The following ANKS6 variants were observed in gnomAD, a reference collection of about 807,000 sequenced individuals.
The protein encoded by ANKS6 is ankyrin repeat and sterile alpha motif domain containing 6.
In ANKS6, 47 loss-of-function variants were observed where a neutral mutation model predicts 77.9. The observed-to-expected ratio is 0.60, with a 90% CI of 0.48 to 0.77. ANKS6 has a LOEUF of 0.77. Among genes scored for constraint, ANKS6 ranks in the 30% least tolerant of loss-of-function variants. ANKS6 has a pLI of 0.00. For missense variants in ANKS6, 1,150 were observed against 1,159.1 expected (o/e 0.99, Z 0.11); for synonymous variants, 488 against 501.7 (o/e 0.97, Z 0.37).
intron 11 of ANKS6, among the ~76,000 whole-genome samples, chr9:98,765,848 C>T (rs1412910127): frequency 1.3e-5 from 2 of 152,128 alleles, no homozygotes; most frequent in Non-Finnish European, 2.9e-5. Flanking sequence ...AGTACAAAAA[C>T]CAGATTGAGG....
chr9:98,771,041 G>A lies in ANKS6; in HGVS notation c.1827C>T (p.Pro609=), dbSNP rs377000748. The part of the protein sequence containing the change: ...PVGGGGTDTT[P]VRPVKFPSLP... The stretch of plus-strand genomic sequence containing the variant: ...GGCTTGGAAATTTAACAGGCCTGAC[G>A]GGTGTCTACAAGAATAAGGCAGGTG... The change falls in exon 10 of 15, where the codon CCC becomes CCT. Residue 609 remains proline (P), a synonymous_variant. Coordinates refer to ENST00000353234, the MANE Select transcript of ANKS6 (RefSeq NM_173551.5). 8.6e-5 allele frequency: 134 copies of A among 1,566,660 alleles called. No homozygotes were observed. The highest frequency in any genetic ancestry group is 3.4e-4 in the Middle Eastern group (2 of 5,906).
chr9:98,775,169 C>T (rs1248041913), intron 8 of ANKS6, among the ~76,000 whole-genome samples: 1 of 152,250 alleles, frequency 6.6e-6, no homozygotes, highest in African/African-American at 2.4e-5. Flanking sequence ...TCCACCACCA[C>T]AAAAGGGTAT....
chr9:98,773,079 T>G (rs1664788870), intron 9 of ANKS6, among the ~76,000 whole-genome samples: 1 of 152,218 alleles, frequency 6.6e-6, no homozygotes, highest in African/African-American at 2.4e-5. Flanking sequence ...GGATGGGTTC[T>G]ACAACTCCCC....
At chr9:98,793,416 C>T (rs1835010763) in intron 1 of ANKS6, among the ~76,000 whole-genome samples, 1 of 152,218 alleles carries the variant, frequency 6.6e-6, no homozygotes, top group Non-Finnish European at 1.5e-5. Flanking sequence ...GACAATAGTA[C>T]CTCCTTCCTA....
At position 98,796,250 on chromosome 9, in the gene ANKS6, GC is replaced by G; in HGVS notation, c.241del (p.Ala81HisfsTer44). ...VDCSDEAGNT[A>X]LQFAAAGGHE... ...GCCCCCGGCCGCGGCGAACTGCAGTGCGGTGTTGCCCGCCTCGTCCGAGCAA... is the reference window on the plus strand; with the variant it reads ...GCCCCCGGCCGCGGCGAACTGCAGTGGGTGTTGCCCGCCTCGTCCGAGCAA... On this transcript the variant is annotated frameshift_variant, in exon 1 of 15. Coordinates refer to ENST00000353234, the MANE Select transcript of ANKS6 (RefSeq NM_173551.5). LOFTEE classifies it high-confidence loss of function. 1 of 1,397,604 alleles carries G rather than the reference GC, an allele frequency of 7.2e-7. No individual in the cohort carries two copies. Among genetic ancestry groups the G allele is most frequent in the Non-Finnish European group, 9.3e-7 (1 of 1,072,810 alleles). The allele number at this position is 1,397,604 out of a possible 1,614,324, so 86.6% of individuals were successfully genotyped here.
At chr9:98,786,385 G>A (rs1214421053) in intron 2 of ANKS6, among the ~76,000 whole-genome samples, 1 of 150,344 alleles carries the variant, frequency 6.7e-6, no homozygotes, top group African/African-American at 2.4e-5. Flanking sequence ...TCTGCCTCCC[G>A]GGTTCAAGCG....
At position 98,735,486 on chromosome 9, in the gene ANKS6, A is replaced by C; in HGVS notation, c.*1033T>G. 1 of 1,226,216 alleles carries C rather than the reference A, an allele frequency of 8.2e-7. No individual in the cohort carries two copies. Among genetic ancestry groups the C allele is most frequent in the East Asian group, 3.2e-5 (1 of 31,288 alleles). The allele number at this position is 1,226,216 out of a possible 1,614,324, so 76.0% of individuals were successfully genotyped here. A position where few individuals can be genotyped will look rare whatever the true frequency, so the allele number is the denominator to read the frequency against. On this transcript the variant is annotated 3_prime_UTR_variant, in exon 15 of 15. Coordinates refer to ENST00000353234, the MANE Select transcript of ANKS6 (RefSeq NM_173551.5). ...GATATGGTAGGAAACTACACAAGCC[A>C]ATTCCCTTTTGAGGAACACAGCATT...
At position 98,734,469 on chromosome 9, in the gene ANKS6, G is replaced by A. The variant is rs941162009; in HGVS notation, c.*2050C>T. On this transcript the variant is annotated 3_prime_UTR_variant, in exon 15 of 15. Coordinates refer to ENST00000353234, the MANE Select transcript of ANKS6 (RefSeq NM_173551.5). Reference sequence around the variant, plus strand: ...AACCTCAAAGCACATAACGTCAGGGGCCATGAATTTCAGAGGCAAACAATT... The same window carrying A: ...AACCTCAAAGCACATAACGTCAGGGACCATGAATTTCAGAGGCAAACAATT... 2.0e-6 allele frequency: 2 copies of A among 985,306 alleles called. No homozygotes were observed. Among genetic ancestry groups the A allele is most frequent in the African/African-American group, 3.5e-5 (2 of 57,218 alleles). 61.0% of individuals were successfully genotyped at this position (985,306 alleles called of 1,614,324 possible).
Position 98,796,286 on chromosome 9 carries a change from AC to A in ANKS6, c.205del (p.Val69CysfsTer56). 1 of 1,298,980 alleles carries A rather than the reference AC, an allele frequency of 7.7e-7. No individual in the cohort carries two copies. The highest frequency in any genetic ancestry group is 2.4e-5 in the South Asian group (1 of 41,970). The allele number at this position is 1,298,980 out of a possible 1,614,324, so 80.5% of individuals were successfully genotyped here. A position where few individuals can be genotyped will look rare whatever the true frequency, so the allele number is the denominator to read the frequency against. ...AAAAGAVGAPVPVDCSDEAGN... is the reference protein window; with the variant it reads ...AAAAGAVGAPXPVDCSDEAGN... Reference sequence around the variant, plus strand: ...CGCCTCGTCCGAGCAATCCACGGGCACCGGAGCCCCGACTGCCCCCGCCGCT... The same window carrying A: ...CGCCTCGTCCGAGCAATCCACGGGCACGGAGCCCCGACTGCCCCCGCCGCT... On this transcript the variant is annotated frameshift_variant, in exon 1 of 15. Coordinates refer to ENST00000353234, the MANE Select transcript of ANKS6 (RefSeq NM_173551.5). LOFTEE classifies it high-confidence loss of function.
At chr9:98,778,850 A>C (rs1165113313) in intron 6 of ANKS6, among the ~76,000 whole-genome samples, 1 of 152,216 alleles carries the variant, frequency 6.6e-6, no homozygotes, top group African/African-American at 2.4e-5. Flanking sequence ...TCTGGTGATA[A>C]CGTGAGAGGC....
intron 14 of ANKS6, among the ~76,000 whole-genome samples, chr9:98,742,998 C>T (rs1264169120): frequency 6.6e-6 from 1 of 152,220 alleles, no homozygotes; most frequent in Non-Finnish European, 1.5e-5. Flanking sequence ...TGCACACTAG[C>T]CCAGTCTGTC....
chr9:98,741,135 A>C (rs920655603), intron 14 of ANKS6, among the ~76,000 whole-genome samples: 1 of 152,244 alleles, frequency 6.6e-6, no homozygotes. Flanking sequence ...CAAAGTTTGA[A>C]AATCTACATA....
At position 98,745,029 on chromosome 9, in the gene ANKS6, G is replaced by A. The variant is rs558631872; in HGVS notation, c.2511+530C>T. Among the ~76,000 whole-genome samples, 6 of 152,198 alleles carry A rather than the reference G, an allele frequency of 3.9e-5. 1 individual carries two copies. The South Asian group carries it at 8.3e-4, about 21-fold the overall frequency. ...TGTGTGTGTGCCTTTGGGTGGGCGCGGGGTGAGGGCACTGATATTTTTAGC... is the reference window on the plus strand; with the variant it reads ...TGTGTGTGTGCCTTTGGGTGGGCGCAGGGTGAGGGCACTGATATTTTTAGC... On this transcript the variant is annotated intron_variant, in intron 14 of 14. Coordinates refer to ENST00000353234, the MANE Select transcript of ANKS6 (RefSeq NM_173551.5).
rs529699290 is a variant in ANKS6 at position 98,733,314 on chromosome 9, T to A, written c.*3205A>T. On this transcript the variant is annotated 3_prime_UTR_variant, in exon 15 of 15. Coordinates refer to ENST00000353234, the MANE Select transcript of ANKS6 (RefSeq NM_173551.5). Reference sequence around the variant, plus strand: ...TCCGTGGCCAGCAGGGACTTGGACATCCAGCACTCACGACACACCAGCAAG... The same window carrying A: ...TCCGTGGCCAGCAGGGACTTGGACAACCAGCACTCACGACACACCAGCAAG... The A allele has an allele frequency of 1.0e-6, 1 of 985,472 alleles. No homozygotes were observed. Among genetic ancestry groups the A allele is most frequent in the African/African-American group, 1.7e-5 (1 of 57,350 alleles). 61.0% of individuals were successfully genotyped at this position (985,472 alleles called of 1,614,324 possible). A position where few individuals can be genotyped will look rare whatever the true frequency, so the allele number is the denominator to read the frequency against.
At chr9:98,769,509 A>C (rs961629399) in intron 10 of ANKS6, among the ~76,000 whole-genome samples, 12 of 152,240 alleles carry the variant, frequency 7.9e-5, no homozygotes. Context: ...GCCTCATACA[A>C]ATGGAATACT....
chr9:98,784,923 T>A, intron 2 of ANKS6, 47 bp from the exon 3 acceptor site: 1 of 1,568,096 alleles, frequency 6.4e-7, no homozygotes, highest in East Asian at 2.2e-5. Context: ...AGGTTTAATA[T>A]AACAGAAAAG....
rs755970647 is a variant in ANKS6 at position 98,790,458 on chromosome 9, CA to C, written c.507del (p.Phe169LeufsTer27). The C allele has an allele frequency of 1.2e-6, 2 of 1,613,830 alleles. No individual in the cohort carries two copies. Among genetic ancestry groups the C allele is most frequent in the Non-Finnish European group, 1.7e-6 (2 of 1,180,010 alleles). On this transcript the variant is annotated frameshift_variant, in exon 2 of 15. Coordinates refer to ENST00000353234, the MANE Select transcript of ANKS6 (RefSeq NM_173551.5). LOFTEE classifies it high-confidence loss of function. ...VVKLLLEAGAFVDHHHPSGEQ... is the reference protein window; with the variant it reads ...VVKLLLEAGAXVDHHHPSGEQ... ...TCGCCTGAAGGGTGGTGATGGTCCACAAAGGCACCGGCTTCCAGGAGCAGCT... is the reference window on the plus strand; with the variant it reads ...TCGCCTGAAGGGTGGTGATGGTCCACAAGGCACCGGCTTCCAGGAGCAGCT...
At chr9:98,786,852 A>C (rs1017992068) in intron 2 of ANKS6, among the ~76,000 whole-genome samples, 1 of 152,152 alleles carries the variant, frequency 6.6e-6, no homozygotes, top group Non-Finnish European at 1.5e-5. Flanking sequence ...CTGACAGCAG[A>C]GCCTGGCCCC....
rs1043712139 is a variant in ANKS6 at position 98,735,394 on chromosome 9, C to A, written c.*1125G>T. 8.9e-7 allele frequency: 1 copy of A among 1,122,686 alleles called. No homozygotes were observed. Among genetic ancestry groups the A allele is most frequent in the African/African-American group, 1.6e-5 (1 of 62,320 alleles). 69.5% of individuals were successfully genotyped at this position (1,122,686 alleles called of 1,614,324 possible). On this transcript the variant is annotated 3_prime_UTR_variant, in exon 15 of 15. Coordinates refer to ENST00000353234, the MANE Select transcript of ANKS6 (RefSeq NM_173551.5). ...ACAAGCACTGGCTGAATGAGTCATT[C>A]ACTGGAAAACACTTCAGAAAGCCAG...
Sources: gnomAD v4.1 joint callset for allele counts (sites outside exome capture counted in the v4.1 genomes callset) on GRCh38, gnomAD v4.1.1 for gene constraint, MANE v1.5 for transcripts, NCBI Gene and HGNC (gene_info 2026-07-23, HGNC 2026-07-21) for gene names.